PRKCA: variants seen among roughly 807,000 people sequenced by gnomAD.
The protein encoded by PRKCA is protein kinase C alpha type.
In PRKCA, 27 loss-of-function variants were observed where a neutral mutation model predicts 87.0. The ratio of observed to expected loss-of-function variants is 0.31; its 90% CI spans 0.23 to 0.43. PRKCA has a LOEUF of 0.43. Ranked by LOEUF, PRKCA falls within the 20% of genes least tolerant of loss-of-function variation. The probability of loss-of-function intolerance (pLI) is 1.00; values close to 1 mark genes in which losing one functional copy is unlikely to be tolerated. For synonymous variants in PRKCA, 329 were observed against 311.1 expected (o/e 1.06, Z -0.61); for missense variants, 518 against 852.3 (o/e 0.61, Z 4.88).
At chr17:66,608,154 CACTG>C (rs1403309818) in intron 3 of PRKCA, among the ~76,000 whole-genome samples, 2 of 151,416 alleles carry the variant, frequency 1.3e-5, no homozygotes, top group Non-Finnish European at 2.9e-5. Flanking sequence ...GATTGGAGCA[CACTG>C]ACTGAAGCAC....
Position 66,806,940 on chromosome 17 carries a change from G to A in PRKCA, c.*2903G>A, listed in dbSNP as rs968919119. Reference sequence around the variant, plus strand: ...CTTTATCCATTGCTGAGTGTTGAATGTGGGTAATGGTTAGGGCTTTCCAGA... The same window carrying A: ...CTTTATCCATTGCTGAGTGTTGAATATGGGTAATGGTTAGGGCTTTCCAGA... On this transcript the variant is annotated 3_prime_UTR_variant, in exon 17 of 17. Transcript: ENST00000413366. 1.3e-4 allele frequency: 20 copies of A among 152,282 alleles called. No homozygotes were observed. The highest frequency in any genetic ancestry group is 2.6e-4 in the Admixed American group (4 of 15,286). The allele number at this position is 152,282 out of a possible 1,614,324, so 9.4% of individuals were successfully genotyped here.
At chr17:66,787,094 G>A (rs1282411376) in intron 15 of PRKCA, 120 bp downstream of exon 15, 3 of 867,954 alleles carry the variant, frequency 3.5e-6, no homozygotes, top group East Asian at 4.8e-5. Context: ...CTGCATTTTG[G>A]CCATCGAGGG....
chr17:66,652,702 A>G (rs1337285702), intron 5 of PRKCA, among the ~76,000 whole-genome samples: 1 of 152,168 alleles, frequency 6.6e-6, no homozygotes, highest in South Asian at 2.1e-4. Context: ...AACTTGGGCA[A>G]TGATATCTAT....
chr17:66,786,119 C>A (rs190568056), intron 14 of PRKCA, among the ~76,000 whole-genome samples: 2 of 152,188 alleles, frequency 1.3e-5, no homozygotes. Flanking sequence ...TGAGCCACCG[C>A]GCCCGGCCTG....
intron 2 of PRKCA, among the ~76,000 whole-genome samples, chr17:66,465,562 A>ATTTTTT (rs113385632): frequency 6.9e-6 from 1 of 143,902 alleles, no homozygotes; most frequent in African/African-American, 2.5e-5. Context: ...TGGCTAGTTA[A>ATTTTTT]TTTTTTTTTT....
intron 3 of PRKCA, among the ~76,000 whole-genome samples, chr17:66,580,937 C>G (rs552584777): frequency 6.6e-6 from 1 of 152,054 alleles, no homozygotes; most frequent in Non-Finnish European, 1.5e-5. Flanking sequence ...TTGCCCCCCC[C>G]CATGCTCGAT....
intron 2 of PRKCA, chr17:66,412,609 G>A (rs1911879098): frequency 6.6e-6 from 1 of 152,034 alleles, no homozygotes; most frequent in Non-Finnish European, 1.5e-5. Context: ...CTTCTGCAGG[G>A]GTTTATGTCT....
chr17:66,518,781 A>G (rs1967057830), intron 3 of PRKCA, among the ~76,000 whole-genome samples: 1 of 152,204 alleles, frequency 6.6e-6, no homozygotes, highest in Non-Finnish European at 1.5e-5. Flanking sequence ...CATTTTGGTA[A>G]CAGTTTCTAA....
intron 3 of PRKCA, among the ~76,000 whole-genome samples, chr17:66,591,713 A>G (rs1435558552): frequency 6.6e-6 from 1 of 152,196 alleles, no homozygotes; most frequent in East Asian, 1.9e-4. Context: ...GGAAATGAGT[A>G]GAAGCTCTGT....
chr17:66,564,275 C>T (rs935350814), intron 3 of PRKCA, among the ~76,000 whole-genome samples: 14 of 152,132 alleles, frequency 9.2e-5, no homozygotes, highest in Non-Finnish European at 1.9e-4. Flanking sequence ...GATGAGGTTT[C>T]ACCATGTTGG....
chr17:66,537,590 T>A (rs540601155), intron 3 of PRKCA, among the ~76,000 whole-genome samples: 2 of 152,322 alleles, frequency 1.3e-5, no homozygotes, highest in Non-Finnish European at 2.9e-5. Context: ...ATAAGAAAAG[T>A]CATGAGACAC....
intron 2 of PRKCA, among the ~76,000 whole-genome samples, chr17:66,381,489 A>G (rs1909772603): frequency 6.6e-6 from 1 of 152,218 alleles, no homozygotes. Context: ...GGGCATCAGC[A>G]TGAGAGGGAG....
chr17:66,745,713 T>C (rs1434996373), intron 13 of PRKCA, among the ~76,000 whole-genome samples: 1 of 152,086 alleles, frequency 6.6e-6, no homozygotes, highest in Non-Finnish European at 1.5e-5. Context: ...ACAATAAACC[T>C]TCTCTCATTT....
chr17:66,422,759 A>G (rs1037529711), intron 2 of PRKCA, among the ~76,000 whole-genome samples: 1 of 152,168 alleles, frequency 6.6e-6, no homozygotes, highest in Non-Finnish European at 1.5e-5. Context: ...TGGATTATTT[A>G]TAAGCAATCT....
chr17:66,774,646 G>A, intron 14 of PRKCA: 3 of 987,282 alleles, frequency 3.0e-6, no homozygotes, highest in Non-Finnish European at 3.6e-6. Context: ...GCACGTTGAT[G>A]ACAGCAGTGG....
chr17:66,738,521 C>G (rs147847750), intron 10 of PRKCA, among the ~76,000 whole-genome samples: 1 of 152,180 alleles, frequency 6.6e-6, no homozygotes, highest in African/African-American at 2.4e-5. Flanking sequence ...CAGGAAGGCA[C>G]GTTGATGGAG....
chr17:66,607,039 G>C lies in PRKCA; in HGVS notation c.289-34316G>C, dbSNP rs190893630. Among the ~76,000 whole-genome samples the C allele has an allele frequency of 1.7e-4, 26 of 152,210 alleles. 1 individual carries two copies. The East Asian group carries it at 3.9e-3, about 23-fold the overall frequency. ...GGGAAATTTTTTCATTTCTTATTTT[G>C]TAATGCAATTACTTTTAAGTTTTAA... On this transcript the variant is annotated intron_variant, in intron 3 of 16. Coordinates refer to ENST00000413366, the MANE Select transcript of PRKCA (RefSeq NM_002737.3).
chr17:66,345,745 C>T (rs1907320787), intron 2 of PRKCA, among the ~76,000 whole-genome samples: 1 of 152,056 alleles, frequency 6.6e-6, no homozygotes, highest in African/African-American at 2.4e-5. Context: ...GAAGCAGTAG[C>T]CTTCAGATTG....
intron 3 of PRKCA, among the ~76,000 whole-genome samples, chr17:66,616,086 G>A (rs17686425): frequency 0.23 from 35,222 of 152,082 alleles, 4,508 homozygotes; most frequent in East Asian, 0.44. Flanking sequence ...ACAAACAGAC[G>A]CCTTTTTAAT....
Sources: gnomAD v4.1 joint callset for allele counts (sites outside exome capture counted in the v4.1 genomes callset) on GRCh38, gnomAD v4.1.1 for gene constraint, MANE v1.5 for transcripts, NCBI Gene and HGNC (gene_info 2026-07-23, HGNC 2026-07-21) for gene names.